KCNB2: variants seen among roughly 807,000 people sequenced by gnomAD.
KCNB2 encodes the protein delayed rectifier potassium channel protein.
KCNB2 carries 15 observed loss-of-function variants against 61.5 expected under a neutral mutation model. That is an observed-to-expected ratio of 0.24 (90% CI 0.16 to 0.38). KCNB2 has a LOEUF of 0.38. Among genes scored for constraint, KCNB2 ranks in the 10% least tolerant of loss-of-function variants. KCNB2 has a pLI of 1.00. For synonymous variants in KCNB2, 457 were observed against 446.0 expected, an observed-to-expected ratio of 1.02 and a Z score of -0.31; for missense variants, 828 against 1,125.2, an observed-to-expected ratio of 0.74 and a Z score of 3.78.
At chr8:72,858,209 C>T (rs1384580659) in intron 2 of KCNB2, among the ~76,000 whole-genome samples, 2 of 152,100 alleles carry the variant, frequency 1.3e-5, no homozygotes, top group African/African-American at 4.8e-5. Flanking sequence ...TAAAAATCCA[C>T]ATTTATTACA....
At chr8:72,822,394 G>C (rs1003028731) in intron 2 of KCNB2, among the ~76,000 whole-genome samples, 3 of 152,216 alleles carry the variant, frequency 2.0e-5, no homozygotes, top group Non-Finnish European at 2.9e-5. Flanking sequence ...ACACAGATAG[G>C]AAAGAGTGGA....
intron 2 of KCNB2, among the ~76,000 whole-genome samples, chr8:72,703,917 C>T (rs1807175203): frequency 6.6e-6 from 1 of 152,182 alleles, no homozygotes; most frequent in Non-Finnish European, 1.5e-5. Context: ...ATTAATTTCA[C>T]TGTTAGTAGT....
chr8:72,712,061 C>A (rs1372238531), intron 2 of KCNB2, among the ~76,000 whole-genome samples: 2 of 152,200 alleles, frequency 1.3e-5, no homozygotes, highest in African/African-American at 4.8e-5. Context: ...GTTACTTATT[C>A]TAAATGTATG....
intron 1 of KCNB2, among the ~76,000 whole-genome samples, chr8:72,540,488 C>G (rs1321441412): frequency 6.6e-6 from 1 of 151,918 alleles, no homozygotes; most frequent in Non-Finnish European, 1.5e-5. Flanking sequence ...TTTTTTAGCC[C>G]AGAGTTTTGT....
chr8:72,755,332 T>C (rs1196713125), intron 2 of KCNB2, among the ~76,000 whole-genome samples: 1 of 152,154 alleles, frequency 6.6e-6, no homozygotes, highest in East Asian at 1.9e-4. Context: ...GTGTAGACTT[T>C]AGTTAATAAT....
intron 2 of KCNB2, among the ~76,000 whole-genome samples, chr8:72,716,407 T>A (rs1471390191): frequency 2.0e-5 from 3 of 151,986 alleles, no homozygotes; most frequent in Non-Finnish European, 4.4e-5. Flanking sequence ...GATGCAAAAA[T>A]CCTCAATAAA....
At chr8:72,775,193 T>C (rs1436132763) in intron 2 of KCNB2, among the ~76,000 whole-genome samples, 5 of 152,118 alleles carry the variant, frequency 3.3e-5, no homozygotes, top group African/African-American at 1.2e-4. Context: ...CCTGCAGTCC[T>C]TCCCTGGAAC....
At chr8:72,777,372 C>A (rs1177991579) in intron 2 of KCNB2, among the ~76,000 whole-genome samples, 1 of 152,130 alleles carries the variant, frequency 6.6e-6, no homozygotes, top group Non-Finnish European at 1.5e-5. Flanking sequence ...ATGACGTTTT[C>A]TTGAAGCTCT....
At chr8:72,911,619 G>A (rs78434064) in intron 2 of KCNB2, among the ~76,000 whole-genome samples, 4,001 of 152,320 alleles carry the variant, frequency 0.026, 147 homozygotes, top group African/African-American at 0.088. Flanking sequence ...CTTTCCAGCT[G>A]TCATGGTAGT....
In KCNB2 at chr8:72,937,614, T is replaced by C; in HGVS notation, c.2259T>C (p.Ser753=). The stretch of plus-strand genomic sequence containing the variant: ...CGCTCACTACCCCGCAGCACATCAG[T>C]ACCATCCTCTTAGAAGAAACCCCCT... ...DFSLTTPQHI[S]TILLEETPSQ... The change falls in exon 3 of 3, where the codon AGT becomes AGC. Residue 753 remains serine, a synonymous_variant. Transcript: ENST00000523207. The C allele has an allele frequency of 6.2e-7, 1 of 1,614,010 alleles. No homozygotes were observed. The highest frequency in any genetic ancestry group is 8.5e-7 in the Non-Finnish European group (1 of 1,179,990).
At chr8:72,597,203 T>C (rs1229514657) in intron 2 of KCNB2, among the ~76,000 whole-genome samples, 1 of 151,978 alleles carries the variant, frequency 6.6e-6, no homozygotes, top group African/African-American at 2.4e-5. Context: ...TTCTGTATTT[T>C]AGTAGAGACA....
At chr8:72,605,966 C>T (rs1005970110) in intron 2 of KCNB2, among the ~76,000 whole-genome samples, 1 of 151,890 alleles carries the variant, frequency 6.6e-6, no homozygotes, top group Non-Finnish European at 1.5e-5. Flanking sequence ...AGAAAATTGT[C>T]AAATTAATTG....
At chr8:72,816,936 T>C (rs1403963879) in intron 2 of KCNB2, among the ~76,000 whole-genome samples, 1 of 152,166 alleles carries the variant, frequency 6.6e-6, no homozygotes, top group Non-Finnish European at 1.5e-5. Context: ...CGTCCAGGTC[T>C]TTCTGTGTCT....
At chr8:72,781,547 T>C (rs1396879074) in intron 2 of KCNB2, among the ~76,000 whole-genome samples, 1 of 152,180 alleles carries the variant, frequency 6.6e-6, no homozygotes, top group Non-Finnish European at 1.5e-5. Flanking sequence ...TTCTGAGATC[T>C]CTATTCTGTT....
intron 2 of KCNB2, among the ~76,000 whole-genome samples, chr8:72,662,707 T>G (rs947573276): frequency 1.3e-5 from 2 of 152,188 alleles, no homozygotes; most frequent in African/African-American, 4.8e-5. Context: ...AACTGTGCTC[T>G]CGGTTCTTCC....
chr8:72,698,379 A>G (rs915812137), intron 2 of KCNB2, among the ~76,000 whole-genome samples: 4 of 152,282 alleles, frequency 2.6e-5, no homozygotes, highest in African/African-American at 9.6e-5. Flanking sequence ...AAACAAATGG[A>G]AAAACATTCT....
At chr8:72,760,234 C>T (rs1045813177) in intron 2 of KCNB2, among the ~76,000 whole-genome samples, 4 of 152,204 alleles carry the variant, frequency 2.6e-5, no homozygotes, top group African/African-American at 9.6e-5. Context: ...AGTTAACTGA[C>T]CTCTCTGAGC....
intron 2 of KCNB2, among the ~76,000 whole-genome samples, chr8:72,720,202 T>C (rs900521839): frequency 6.6e-6 from 1 of 152,200 alleles, no homozygotes; most frequent in Non-Finnish European, 1.5e-5. Flanking sequence ...TACACTGATA[T>C]CTTGGTGCTT....
intron 2 of KCNB2, among the ~76,000 whole-genome samples, chr8:72,819,713 TATCATC>T: frequency 6.6e-6 from 1 of 152,134 alleles, no homozygotes; most frequent in Admixed American, 6.6e-5. Flanking sequence ...TTTTTGTTGT[TATCATC>T]ATAATCATTA....
Sources: allele counts gnomAD v4.1 joint callset (sites outside exome capture counted in the v4.1 genomes callset), GRCh38; gene constraint gnomAD v4.1.1; transcripts MANE v1.5; gene names NCBI Gene and HGNC (gene_info 2026-07-23, HGNC 2026-07-21).